GALNTL6: variants seen among roughly 807,000 people sequenced by gnomAD.
GALNTL6 encodes polypeptide N-acetylgalactosaminyltransferase like 6, also known as polypeptide N-acetylgalactosaminyltransferase-like 6.
GALNTL6 carries 46 observed loss-of-function variants against 73.7 expected under a neutral mutation model. The ratio of observed to expected loss-of-function variants is 0.62; its 90% CI spans 0.49 to 0.80. The LOEUF (loss-of-function observed/expected upper bound fraction) is 0.80. Ranked by LOEUF, GALNTL6 falls within the 30% of genes least tolerant of loss-of-function variation. The probability of loss-of-function intolerance (pLI) is 0.00; values close to 1 mark genes in which losing one functional copy is unlikely to be tolerated. For missense variants in GALNTL6, 604 were observed against 755.0 expected, an observed-to-expected ratio of 0.80 and a Z score of 2.34; for synonymous variants, 259 against 263.7, an observed-to-expected ratio of 0.98 and a Z score of 0.17.
chr4:172,678,798 TG>T (rs1444677860), intron 5 of GALNTL6, among the ~76,000 whole-genome samples: 1 of 152,144 alleles, frequency 6.6e-6, no homozygotes, highest in East Asian at 1.9e-4. Context: ...TTCTGAGGAG[TG>T]TCTAGCTCTA....
intron 5 of GALNTL6, among the ~76,000 whole-genome samples, chr4:172,647,389 A>G (rs970057019): frequency 1.3e-5 from 2 of 152,118 alleles, no homozygotes; most frequent in African/African-American, 4.8e-5. Flanking sequence ...AGCAAAGATC[A>G]CTAAAATTTC....
At chr4:172,024,178 C>T (rs1193616273) in intron 2 of GALNTL6, among the ~76,000 whole-genome samples, 1 of 151,744 alleles carries the variant, frequency 6.6e-6, no homozygotes, top group African/African-American at 2.4e-5. Flanking sequence ...CTCTATGCTT[C>T]CATTGAACTT....
At chr4:172,443,142 A>ATATATATG (rs1731896625) in intron 5 of GALNTL6, among the ~76,000 whole-genome samples, 2 of 117,456 alleles carry the variant, frequency 1.7e-5, no homozygotes, top group South Asian at 4.9e-4. Context: ...ATATATATAT[A>ATATATATG]TATATATATA....
chr4:172,968,461 A>G (rs1443361301), intron 10 of GALNTL6, among the ~76,000 whole-genome samples: 1 of 151,966 alleles, frequency 6.6e-6, no homozygotes, highest in African/African-American at 2.4e-5. Flanking sequence ...TCTGAGAAAC[A>G]CTCCAAAGTA....
chr4:172,745,186 A>G (rs1737035166), intron 5 of GALNTL6, among the ~76,000 whole-genome samples: 1 of 149,210 alleles, frequency 6.7e-6, no homozygotes, highest in African/African-American at 2.5e-5. Context: ...ATGTAAAGAT[A>G]GTAGACTGTA....
At position 172,581,352 on chromosome 4, in the gene GALNTL6, A is replaced by T. The variant is rs1379906338; in HGVS notation, c.554-228009A>T. ...CTTCCTGTGAACCTGAATCCTTGGTAGTAGCTTCACTTATAGACTCTCCTC... is the reference window on the plus strand; with the variant it reads ...CTTCCTGTGAACCTGAATCCTTGGTTGTAGCTTCACTTATAGACTCTCCTC... On this transcript the variant is annotated intron_variant, in intron 5 of 12. Coordinates refer to ENST00000506823, the MANE Select transcript of GALNTL6 (RefSeq NM_001034845.3). Among the ~76,000 whole-genome samples the T allele has an allele frequency of 2.0e-5, 3 of 152,240 alleles. No individual in the cohort carries two copies. In the South Asian group the frequency reaches 6.2e-4, roughly 32 times the overall value.
chr4:172,680,408 G>A (rs767854716), intron 5 of GALNTL6, among the ~76,000 whole-genome samples: 1 of 151,966 alleles, frequency 6.6e-6, no homozygotes, highest in Non-Finnish European at 1.5e-5. Context: ...ATGAAGGGCC[G>A]AAGGAAGGAA....
intron 5 of GALNTL6, among the ~76,000 whole-genome samples, chr4:172,619,939 TTATTATTA>T (rs1738888728): frequency 6.6e-6 from 1 of 152,200 alleles, no homozygotes; most frequent in South Asian, 2.1e-4. Context: ...GTATAGGCAA[TTATTATTA>T]CTTTCCAAGA....
intron 2 of GALNTL6, among the ~76,000 whole-genome samples, chr4:172,216,398 A>C (rs563246728): frequency 1.3e-5 from 2 of 152,138 alleles, no homozygotes; most frequent in South Asian, 4.1e-4. Flanking sequence ...GTTTCTAAAA[A>C]TATGTCCTTT....
chr4:172,740,054 A>G (rs1294173310), intron 5 of GALNTL6, among the ~76,000 whole-genome samples: 3 of 151,914 alleles, frequency 2.0e-5, no homozygotes, highest in Non-Finnish European at 4.4e-5. Context: ...TCCTGGATCC[A>G]GCTCCCATTT....
intron 5 of GALNTL6, among the ~76,000 whole-genome samples, chr4:172,682,200 G>T (rs1732667462): frequency 6.6e-6 from 1 of 151,988 alleles, no homozygotes; most frequent in Non-Finnish European, 1.5e-5. Context: ...ATAGAGTTCT[G>T]CCTAAAGATT....
chr4:172,103,319 G>A (rs1035687215), intron 2 of GALNTL6, among the ~76,000 whole-genome samples: 4 of 152,260 alleles, frequency 2.6e-5, no homozygotes, highest in Middle Eastern at 3.4e-3. Flanking sequence ...ATTTTATGTC[G>A]TATTAATCTA....
At chr4:172,820,193 C>T (rs1262927016) in intron 7 of GALNTL6, among the ~76,000 whole-genome samples, 9 of 152,180 alleles carry the variant, frequency 5.9e-5, no homozygotes, top group Non-Finnish European at 1.2e-4. Context: ...GGGGCTCCTT[C>T]TCCTTGGTGG....
rs145550569 is a variant in GALNTL6 at position 172,583,007 on chromosome 4, A to G, written c.554-226354A>G. Among the ~76,000 whole-genome samples the G allele has an allele frequency of 2.0e-3, 310 of 152,286 alleles. 3 individuals are homozygous for G. In the East Asian group the frequency reaches 0.028, roughly 14 times the overall value. On this transcript the variant is annotated intron_variant, in intron 5 of 12. Coordinates refer to ENST00000506823, the MANE Select transcript of GALNTL6 (RefSeq NM_001034845.3). ...TTGAGAAAGTACAGGGACTACATCA[A>G]TGCCATAGAGAAGTTATTTATTTTT...
At chr4:171,832,218 C>T (rs1579492508) in intron 2 of GALNTL6, among the ~76,000 whole-genome samples, 1 of 151,222 alleles carries the variant, frequency 6.6e-6, no homozygotes, top group Non-Finnish European at 1.5e-5. Context: ...TCAGGTAAAA[C>T]AGTCAAATAT....
chr4:172,663,672 T>A (rs1432096990), intron 5 of GALNTL6, among the ~76,000 whole-genome samples: 1 of 152,200 alleles, frequency 6.6e-6, no homozygotes, highest in Non-Finnish European at 1.5e-5. Flanking sequence ...CTCACGCCTA[T>A]AATCCCAGCA....
At chr4:172,366,148 A>C (rs2111248425) in intron 5 of GALNTL6, among the ~76,000 whole-genome samples, 1 of 152,288 alleles carries the variant, frequency 6.6e-6, no homozygotes, top group African/African-American at 2.4e-5. Flanking sequence ...AAAACTACAT[A>C]GTTTTTGCAG....
intron 5 of GALNTL6, among the ~76,000 whole-genome samples, chr4:172,740,070 C>G (rs1736711393): frequency 6.6e-6 from 1 of 152,016 alleles, no homozygotes; most frequent in African/African-American, 2.4e-5. Context: ...CATTTATTCT[C>G]TGACCTCATC....
intron 2 of GALNTL6, among the ~76,000 whole-genome samples, chr4:172,215,803 T>G (rs1736476454): frequency 6.6e-6 from 1 of 152,174 alleles, no homozygotes; most frequent in South Asian, 2.1e-4. Flanking sequence ...TTTTTCTGCC[T>G]TGTGTAGTTT....
Sources: gnomAD v4.1 joint callset for allele counts (sites outside exome capture counted in the v4.1 genomes callset) on GRCh38, gnomAD v4.1.1 for gene constraint, MANE v1.5 for transcripts, NCBI Gene and HGNC (gene_info 2026-07-23, HGNC 2026-07-21) for gene names.